RAP1A: variants seen among roughly 807,000 people sequenced by gnomAD.
RAP1A encodes the protein RAP1A, member of RAS oncogene family.
In RAP1A, 6 loss-of-function variants were observed where a neutral mutation model predicts 26.4. The ratio of observed to expected loss-of-function variants is 0.23; its 90% CI spans 0.12 to 0.45. The LOEUF is 0.45. Among genes scored for constraint, RAP1A ranks in the 20% least tolerant of loss-of-function variants. The pLI is 0.99. For missense variants in RAP1A, 121 were observed against 217.2 expected, an observed-to-expected ratio of 0.56 and a Z score of 2.78; for synonymous variants, 73 against 79.4, an observed-to-expected ratio of 0.92 and a Z score of 0.43.
At chr1:111,619,785 C>A (rs1659112501), upstream of RAP1A, 1 of 397,516 alleles carries the variant, frequency 2.5e-6, no homozygotes, top group African/African-American at 2.1e-5. Context: ...CTGGAGGAGG[C>A]GCCGCCGCCG....
intron 5 of RAP1A, among the ~76,000 whole-genome samples, chr1:111,704,123 A>G (rs915112271): frequency 3.3e-5 from 5 of 149,986 alleles, no homozygotes; most frequent in Non-Finnish European, 5.9e-5. Context: ...ATAATTTGGC[A>G]TATCTATGTA....
intron 1 of RAP1A, among the ~76,000 whole-genome samples, chr1:111,613,957 G>C (rs977733033): frequency 2.0e-5 from 3 of 152,126 alleles, no homozygotes; most frequent in Non-Finnish European, 4.4e-5. Flanking sequence ...ACAGACACAT[G>C]CTCCTGAATA....
At chr1:111,553,587 G>A (rs376533888) in intron 1 of RAP1A, among the ~76,000 whole-genome samples, 5 of 152,062 alleles carry the variant, frequency 3.3e-5, no homozygotes, top group African/African-American at 9.7e-5. Context: ...ATTTCTACTG[G>A]TTACATCTAA....
chr1:111,685,520 A>T (rs1454377205), intron 1 of RAP1A, among the ~76,000 whole-genome samples: 1 of 152,272 alleles, frequency 6.6e-6, no homozygotes, highest in Admixed American at 6.5e-5. Context: ...AACATATGAA[A>T]AAAAGCTGAT....
intron 1 of RAP1A, among the ~76,000 whole-genome samples, chr1:111,565,951 A>T (rs1185350553): frequency 1.3e-5 from 2 of 152,130 alleles, no homozygotes; most frequent in Admixed American, 6.5e-5. Flanking sequence ...GAGGGTCTAC[A>T]TGTGCCAACG....
intron 1 of RAP1A, among the ~76,000 whole-genome samples, chr1:111,558,239 G>A (rs556545423): frequency 7.6e-4 from 116 of 152,208 alleles, no homozygotes; most frequent in African/African-American, 2.6e-3. Context: ...GTGCAGTGGC[G>A]CAATCTTGGC....
At chr1:111,662,571 ACT>A (rs1660675231) in intron 1 of RAP1A, among the ~76,000 whole-genome samples, 1 of 152,062 alleles carries the variant, frequency 6.6e-6, no homozygotes, top group Admixed American at 6.6e-5. Flanking sequence ...AACTCATAAC[ACT>A]CTGGCCATAC....
intron 1 of RAP1A, chr1:111,650,501 A>G (rs1287772209): frequency 1.3e-5 from 2 of 152,156 alleles, no homozygotes; most frequent in African/African-American, 4.8e-5. Context: ...TCCCTATATC[A>G]TTCCAATTTC....
At chr1:111,626,359 A>G (rs537198198) in intron 1 of RAP1A, among the ~76,000 whole-genome samples, 49 of 118,560 alleles carry the variant, frequency 4.1e-4, no homozygotes, top group Admixed American at 3.9e-3. Flanking sequence ...GCTTTTCTGC[A>G]TATGTATACA....
intron 6 of RAP1A, chr1:111,706,670 T>G: frequency 1.0e-6 from 1 of 972,908 alleles, no homozygotes; most frequent in Non-Finnish European, 1.2e-6. Flanking sequence ...TAGATTTTTC[T>G]ATAGTTCAGA....
At chr1:111,706,725 C>T (rs927160803) in intron 6 of RAP1A, 2 of 985,310 alleles carry the variant, frequency 2.0e-6, no homozygotes, top group African/African-American at 3.5e-5. Flanking sequence ...CATTTCTAAC[C>T]AAATATTATA....
At chr1:111,556,790 CT>C (rs1657508114) in intron 1 of RAP1A, among the ~76,000 whole-genome samples, 1 of 151,960 alleles carries the variant, frequency 6.6e-6, no homozygotes, top group Non-Finnish European at 1.5e-5. Flanking sequence ...CTCTGGGAAG[CT>C]TTTTAAAAAG....
intron 1 of RAP1A, among the ~76,000 whole-genome samples, chr1:111,594,726 C>T (rs1049855015): frequency 6.6e-6 from 1 of 152,122 alleles, no homozygotes; most frequent in African/African-American, 2.4e-5. Flanking sequence ...GTCTTCTGCT[C>T]ACCTGAGCCC....
chr1:111,559,989 T>C (rs187079053), intron 1 of RAP1A, among the ~76,000 whole-genome samples: 1 of 152,346 alleles, frequency 6.6e-6, no homozygotes, highest in East Asian at 1.9e-4. Flanking sequence ...GATCAAAGGT[T>C]CTTGACACAT....
intron 1 of RAP1A, among the ~76,000 whole-genome samples, chr1:111,543,330 G>C (rs1656912954): frequency 6.6e-6 from 1 of 152,118 alleles, no homozygotes; most frequent in Non-Finnish European, 1.5e-5. Flanking sequence ...TTTTGAAAGA[G>C]CAACTGACAA....
At chr1:111,689,571 T>G (rs777277062) in intron 1 of RAP1A, among the ~76,000 whole-genome samples, 7 of 152,168 alleles carry the variant, frequency 4.6e-5, no homozygotes, top group Non-Finnish European at 7.4e-5. Flanking sequence ...TTTCTTTAAA[T>G]TTTTGAGCGT....
At chr1:111,699,463 CTTTTT>C (rs11435540) in intron 4 of RAP1A, among the ~76,000 whole-genome samples, 13 of 124,170 alleles carry the variant, frequency 1.0e-4, no homozygotes, top group Admixed American at 2.5e-4. Context: ...CTCACTTCCT[CTTTTT>C]TTTTTTTTTT....
intron 1 of RAP1A, among the ~76,000 whole-genome samples, chr1:111,663,888 G>T (rs1474546267): frequency 6.8e-6 from 1 of 147,760 alleles, no homozygotes. Context: ...AAAAAGGTTT[G>T]CTTCCTTGCC....
chr1:111,612,759 C>A (rs980978398), intron 1 of RAP1A, among the ~76,000 whole-genome samples: 3 of 152,084 alleles, frequency 2.0e-5, no homozygotes, highest in African/African-American at 7.2e-5. Context: ...ATAGAATTAC[C>A]TCTATAGTCA....
Sources: allele counts gnomAD v4.1 joint callset (sites outside exome capture counted in the v4.1 genomes callset), GRCh38; gene constraint gnomAD v4.1.1; transcripts MANE v1.5; gene names NCBI Gene and HGNC (gene_info 2026-07-23, HGNC 2026-07-21).